The following FOXN3 variants were observed in gnomAD, a reference collection of about 807,000 sequenced individuals.
FOXN3 encodes forkhead box N3.
A neutral mutation model predicts 38.4 loss-of-function variants in FOXN3; 7 were observed. The observed-to-expected ratio is 0.18, with a 90% CI of 0.10 to 0.34. The LOEUF is 0.34. Ranked by LOEUF, FOXN3 falls within the 10% of genes least tolerant of loss-of-function variation. The pLI is 1.00. For synonymous variants in FOXN3, 230 were observed against 242.2 expected (o/e 0.95, Z 0.47); for missense variants, 456 against 613.4 (o/e 0.74, Z 2.71).
intron 4 of FOXN3, among the ~76,000 whole-genome samples, chr14:89,269,321 G>A (rs981604048): frequency 7.2e-5 from 11 of 152,112 alleles, no homozygotes; most frequent in Admixed American, 2.0e-4. Context: ...GTAAAGTTCC[G>A]TATCACTGCA....
intron 1 of FOXN3, among the ~76,000 whole-genome samples, chr14:89,448,115 C>G (rs573925889): frequency 1.3e-5 from 2 of 152,132 alleles, no homozygotes; most frequent in Admixed American, 6.6e-5. Context: ...CCTGCCGATG[C>G]CTTTCTTCTT....
At chr14:89,383,584 C>T (rs1332378616) in intron 2 of FOXN3, among the ~76,000 whole-genome samples, 1 of 152,178 alleles carries the variant, frequency 6.6e-6, no homozygotes, top group Admixed American at 6.5e-5. Flanking sequence ...TGGCTTCTGG[C>T]GGCCCCCGGC....
chr14:89,594,527 A>G (rs446183), intron 1 of FOXN3, among the ~76,000 whole-genome samples: 150,493 of 152,362 alleles, frequency 0.99, 74,347 homozygotes, highest in African/African-American at 1. Flanking sequence ...TGAAGTCCCT[A>G]TTTAAGACTC....
intron 3 of FOXN3, among the ~76,000 whole-genome samples, chr14:89,331,913 G>A (rs1012456365): frequency 6.6e-6 from 1 of 152,080 alleles, no homozygotes; most frequent in African/African-American, 2.4e-5. Context: ...CCAAATTGGT[G>A]TTCCTTGGAA....
At chr14:89,507,350 T>C (rs1186857143) in intron 1 of FOXN3, among the ~76,000 whole-genome samples, 1 of 152,088 alleles carries the variant, frequency 6.6e-6, no homozygotes, top group Non-Finnish European at 1.5e-5. Flanking sequence ...CAATGGAAAA[T>C]GGCAGTGACA....
chr14:89,416,179 C>T lies in FOXN3; in HGVS notation c.-15+692G>A, dbSNP rs373613366. ...TCTCGTCTACTGTACTTGTCAAAAA[C>T]ATTTCAAGGGGACCTGCGGGAGTGG... On this transcript the variant is annotated intron_variant, in intron 1 of 5. Transcript: ENST00000557258. Among the ~76,000 whole-genome samples the T allele has an allele frequency of 3.9e-5, 6 of 152,324 alleles. No individual in the cohort carries two copies. The East Asian group carries it at 9.7e-4, about 25-fold the overall frequency.
At chr14:89,446,257 C>T (rs1477411829) in intron 1 of FOXN3, among the ~76,000 whole-genome samples, 2 of 135,316 alleles carry the variant, frequency 1.5e-5, no homozygotes, top group African/African-American at 2.7e-5. Context: ...GGCCCAATCT[C>T]GGCTCACTGC....
At chr14:89,591,263 A>G (rs1297382895) in intron 1 of FOXN3, among the ~76,000 whole-genome samples, 1 of 152,210 alleles carries the variant, frequency 6.6e-6, no homozygotes, top group Non-Finnish European at 1.5e-5. Flanking sequence ...GAGATGAGAC[A>G]TCAGACTGAA....
At chr14:89,271,270 G>C (rs1022972588) in intron 4 of FOXN3, among the ~76,000 whole-genome samples, 1 of 152,108 alleles carries the variant, frequency 6.6e-6, no homozygotes, top group Non-Finnish European at 1.5e-5. Flanking sequence ...AAAATCTCTT[G>C]GCAATTGTAT....
intron 4 of FOXN3, among the ~76,000 whole-genome samples, chr14:89,203,465 T>C (rs537323811): frequency 1.3e-5 from 2 of 152,290 alleles, no homozygotes; most frequent in African/African-American, 2.4e-5. Context: ...GTGCCCTGTG[T>C]CTGTGGCACC....
intron 2 of FOXN3, among the ~76,000 whole-genome samples, chr14:89,394,231 T>C (rs11629194): frequency 0.18 from 26,100 of 146,686 alleles, 2,008 homozygotes; most frequent in South Asian, 0.36. Flanking sequence ...TTTTTTTTTT[T>C]TTTGAGATGG....
intron 4 of FOXN3, among the ~76,000 whole-genome samples, chr14:89,236,019 G>C (rs1884970180): frequency 6.6e-6 from 1 of 152,216 alleles, no homozygotes; most frequent in African/African-American, 2.4e-5. Flanking sequence ...CACAACTAAG[G>C]AGTGGCAGAG....
At chr14:89,550,560 C>T (rs1358427614) in intron 1 of FOXN3, among the ~76,000 whole-genome samples, 1 of 152,156 alleles carries the variant, frequency 6.6e-6, no homozygotes, top group Non-Finnish European at 1.5e-5. Flanking sequence ...AAAAGAGAGA[C>T]AGATGCCCTT....
At chr14:89,279,835 T>C (rs1886404702) in intron 4 of FOXN3, among the ~76,000 whole-genome samples, 1 of 152,216 alleles carries the variant, frequency 6.6e-6, no homozygotes, top group Non-Finnish European at 1.5e-5. Flanking sequence ...GCGTGGCCTA[T>C]AAATCAGCAC....
chr14:89,436,669 A>G (rs1473844839), intron 1 of FOXN3, among the ~76,000 whole-genome samples: 1 of 152,194 alleles, frequency 6.6e-6, no homozygotes, highest in Non-Finnish European at 1.5e-5. Flanking sequence ...CAATCAAAAC[A>G]TCCAACAGAT....
chr14:89,163,033 G>A lies in FOXN3; in HGVS notation c.852-64C>T, dbSNP rs1887147475. ...GAAGGGACACAGTTAGACGTCCTCA[G>A]ATGGGGGCACCCGGCAGCCCGCCTG... On this transcript the variant is annotated intron_variant, in intron 5 of 5. Transcript: ENST00000557258. This position sits in a 1 kb window ranked among gnomAD's most constrained non-coding sequence, Gnocchi z 4.3. 2.1e-6 allele frequency: 3 copies of A among 1,419,498 alleles called. No individual in the cohort carries two copies. In the East Asian group the frequency reaches 7.4e-5, roughly 35 times the overall value. The allele number at this position is 1,419,498 out of a possible 1,614,324, so 87.9% of individuals were successfully genotyped here.
At chr14:89,167,707 A>C (rs972899433) in intron 5 of FOXN3, among the ~76,000 whole-genome samples, 6 of 152,246 alleles carry the variant, frequency 3.9e-5, no homozygotes, top group Admixed American at 1.3e-4. Flanking sequence ...GGCATTGCTG[A>C]GTTCACTAGA....
chr14:89,459,430 AAGG>A (rs1361296435), intron 1 of FOXN3, among the ~76,000 whole-genome samples: 4 of 152,168 alleles, frequency 2.6e-5, no homozygotes, highest in East Asian at 3.8e-4. Context: ...TTAGCATTAG[AAGG>A]AGGTTTAGGA....
chr14:89,467,429 C>A (rs1484924478), intron 1 of FOXN3, among the ~76,000 whole-genome samples: 2 of 152,054 alleles, frequency 1.3e-5, no homozygotes, highest in African/African-American at 4.8e-5. Flanking sequence ...CTTTAAAATA[C>A]AATTACTGAT....
Sources: gnomAD v4.1 joint callset for allele counts (sites outside exome capture counted in the v4.1 genomes callset) on GRCh38, gnomAD v4.1.1 for gene constraint, Gnocchi (gnomAD v3.1) non-coding constraint, MANE v1.5 for transcripts, NCBI Gene and HGNC (gene_info 2026-07-23, HGNC 2026-07-21) for gene names.